Variants in ZNF608 observed in about 807,000 individuals in gnomAD.
The protein encoded by ZNF608 is renal carcinoma antigen NY-REN-36.
ZNF608 carries 12 observed loss-of-function variants against 109.0 expected under a neutral mutation model. The ratio of observed to expected loss-of-function variants is 0.11; its 90% CI spans 0.07 to 0.18. The LOEUF (loss-of-function observed/expected upper bound fraction) is 0.18. ZNF608 is among the 10% of genes least tolerant of loss of function. The probability of loss-of-function intolerance (pLI) is 1.00; values close to 1 mark genes in which losing one functional copy is unlikely to be tolerated. For synonymous variants in ZNF608, 732 were observed against 717.4 expected, an observed-to-expected ratio of 1.02 and a Z score of -0.33; for missense variants, 1,707 against 1,879.3, an observed-to-expected ratio of 0.91 and a Z score of 1.70.
In ZNF608 at chr5:124,647,492, G is replaced by A. The variant is rs1445855087; in HGVS notation, c.2892C>T (p.Ser964=). The change falls in exon 5 of 10, where the codon TCC becomes TCT. Residue 964 remains serine (S), a synonymous_variant. Coordinates refer to ENST00000513986, the MANE Select transcript of ZNF608 (RefSeq NM_020747.3). ...RSEGMRSKAS[S]PSDIISSKDS... ...CCTTACTAGAAATAATATCTGATGG[G>A]GAACTGGCCTTTGATCTCATACCCT... 1.2e-6 allele frequency: 2 copies of A among 1,614,080 alleles called. No individual in the cohort carries two copies. The highest frequency in any genetic ancestry group is 1.1e-5 in the South Asian group (1 of 91,086).
At chr5:124,741,281 TGTGTA>T (rs1749382898) in intron 2 of ZNF608, among the ~76,000 whole-genome samples, 1 of 152,006 alleles carries the variant, frequency 6.6e-6, no homozygotes, top group African/African-American at 2.4e-5. Flanking sequence ...TACATGACTT[TGTGTA>T]GTGAAGAAAC....
chr5:124,645,527 G>A (rs181366209), intron 5 of ZNF608, among the ~76,000 whole-genome samples: 135 of 151,520 alleles, frequency 8.9e-4, no homozygotes, highest in African/African-American at 2.7e-3. Flanking sequence ...GGGGGCTGGT[G>A]GTTCTTGCTC....
rs1257102217 is a variant in ZNF608, at chr5:124,648,025, G to A, written c.2359C>T (p.Pro787Ser). Residue 787 changes from proline to serine, a missense_variant, in exon 5 of 10, where the codon CCC (proline) becomes TCC (serine). Coordinates refer to ENST00000513986, the MANE Select transcript of ZNF608 (RefSeq NM_020747.3). ...QATPKSPPLKPIQPKPTIMGE... is the reference protein window; with the variant it reads ...QATPKSPPLKSIQPKPTIMGE... ...ATAATTGTGGGCTTTGGTTGAATGG[G>A]TTTTAACGGAGGACTCTTTGGTGTA... 6.2e-7 allele frequency: 1 copy of A among 1,614,178 alleles called. No homozygotes were observed. The highest frequency in any genetic ancestry group is 8.5e-7 in the Non-Finnish European group (1 of 1,180,038).
At chr5:124,652,414 T>C (rs187561025) in intron 3 of ZNF608, among the ~76,000 whole-genome samples, 2 of 152,352 alleles carry the variant, frequency 1.3e-5, no homozygotes, top group East Asian at 3.9e-4. Flanking sequence ...CAAGGAGATT[T>C]TGAACAGTCT....
At chr5:124,651,879 G>A (rs1342672010) in intron 3 of ZNF608, among the ~76,000 whole-genome samples, 1 of 152,244 alleles carries the variant, frequency 6.6e-6, no homozygotes, top group Non-Finnish European at 1.5e-5. Flanking sequence ...TGCGGGGCTA[G>A]AGGGCCGCCT....
At chr5:124,641,438 T>C (rs1162811334) in intron 7 of ZNF608, 33 bp from the exon 8 acceptor site, 9 of 1,583,792 alleles carry the variant, frequency 5.7e-6, no homozygotes, top group Middle Eastern at 1.7e-4. Context: ...TCCCCCTTCA[T>C]GCTCTGAAAA....
chr5:124,658,138 T>C (rs113952897), intron 3 of ZNF608, among the ~76,000 whole-genome samples: 8 of 152,082 alleles, frequency 5.3e-5, no homozygotes, highest in Non-Finnish European at 2.9e-5. Flanking sequence ...GGTGATAGTG[T>C]TGGGGGAGGA....
intron 5 of ZNF608, 87 bp downstream of exon 5, chr5:124,646,592 A>T (rs763907916): frequency 2.5e-5 from 36 of 1,469,366 alleles, no homozygotes; most frequent in Middle Eastern, 2.5e-4. Context: ...TTCCTGTGTC[A>T]GAAGTCTAAC....
chr5:124,696,741 T>C (rs1359032481), intron 3 of ZNF608, among the ~76,000 whole-genome samples: 1 of 152,162 alleles, frequency 6.6e-6, no homozygotes, highest in African/African-American at 2.4e-5. Context: ...CACTATCTGC[T>C]CTGTGAGGTA....
chr5:124,655,263 G>C (rs1199559081), intron 3 of ZNF608, among the ~76,000 whole-genome samples: 1 of 152,206 alleles, frequency 6.6e-6, no homozygotes, highest in Non-Finnish European at 1.5e-5. Context: ...TATTTGTGAA[G>C]CTGTTTCCTC....
chr5:124,742,224 C>G (rs1002231814), intron 2 of ZNF608, among the ~76,000 whole-genome samples: 3 of 152,206 alleles, frequency 2.0e-5, no homozygotes, highest in African/African-American at 7.2e-5. Context: ...CGACACCACG[C>G]TCTAATCTCA....
intron 2 of ZNF608, among the ~76,000 whole-genome samples, chr5:124,712,119 C>T (rs1753517024): frequency 6.6e-6 from 1 of 152,076 alleles, no homozygotes; most frequent in African/African-American, 2.4e-5. Flanking sequence ...TGCACTCCAG[C>T]CCGGGCAACA....
chr5:124,724,657 A>G (rs1754068662), intron 2 of ZNF608, among the ~76,000 whole-genome samples: 1 of 152,114 alleles, frequency 6.6e-6, no homozygotes, highest in Non-Finnish European at 1.5e-5. Flanking sequence ...GACACCTGGA[A>G]TACGTTCTCT....
At chr5:124,710,460 A>C in intron 2 of ZNF608, 1 of 321,844 alleles carries the variant, frequency 3.1e-6, no homozygotes, top group Non-Finnish European at 6.1e-6. Flanking sequence ...TGGTGTATAA[A>C]GCTATGCGGT....
chr5:124,648,344 C>A lies in ZNF608; in HGVS notation c.2040G>T (p.Thr680=), dbSNP rs780466730. The A allele has an allele frequency of 2.2e-5, 35 of 1,614,062 alleles. No homozygotes were observed. Among genetic ancestry groups the A allele is most frequent in the Non-Finnish European group, 3.0e-5 (35 of 1,180,038 alleles). Residue 680 remains threonine (T), a synonymous_variant, in exon 5 of 10, where the codon ACG becomes ACT. Coordinates refer to ENST00000513986, the MANE Select transcript of ZNF608 (RefSeq NM_020747.3). ...CTGCCGAGCAACTGTCTAACGCAGC[C>A]GTCATGTTGGAGATTACTGGAAGGT... ...LNNLPVISNM[T]AALDSCSAAD...
chr5:124,690,579 G>A (rs1752576387), intron 3 of ZNF608, among the ~76,000 whole-genome samples: 1 of 152,142 alleles, frequency 6.6e-6, no homozygotes, highest in Admixed American at 6.5e-5. Context: ...CGGACACAGT[G>A]GTTCATGCCT....
At chr5:124,746,987 G>C (rs1012199945), upstream of ZNF608, among the ~76,000 whole-genome samples, 5 of 151,410 alleles carry the variant, frequency 3.3e-5, no homozygotes, top group African/African-American at 1.2e-4. Flanking sequence ...AAATAACGGC[G>C]TTTAAAATGG....
chr5:124,668,583 C>T (rs1409894941), intron 3 of ZNF608, among the ~76,000 whole-genome samples: 5 of 152,140 alleles, frequency 3.3e-5, no homozygotes, highest in Non-Finnish European at 7.3e-5. Context: ...TAACTTTCTT[C>T]TCTTCCAGTG....
At chr5:124,649,459 C>T in intron 4 of ZNF608, 151 bp downstream of exon 4, 2 of 548,654 alleles carry the variant, frequency 3.6e-6, no homozygotes, top group Non-Finnish European at 6.3e-6. Flanking sequence ...AATTTAGCAT[C>T]TGCATTTTAC....
Sources: allele counts gnomAD v4.1 joint callset (sites outside exome capture counted in the v4.1 genomes callset), GRCh38; gene constraint gnomAD v4.1.1; transcripts MANE v1.5; gene names NCBI Gene and HGNC (gene_info 2026-07-23, HGNC 2026-07-21).